CD47: variants seen among roughly 807,000 people sequenced by gnomAD.
CD47 encodes the protein leukocyte surface antigen CD47.
Under a neutral mutation model 44.6 loss-of-function variants are expected in CD47, and 11 were observed. The ratio of observed to expected loss-of-function variants is 0.25; its 90% CI spans 0.16 to 0.41. The LOEUF (loss-of-function observed/expected upper bound fraction) is 0.41, where lower values mean the gene tolerates loss of function less well. Among genes scored for constraint, CD47 ranks in the 10% least tolerant of loss-of-function variants. The pLI is 1.00. For missense variants in CD47, 306 were observed against 386.7 expected, an observed-to-expected ratio of 0.79 and a Z score of 1.75; for synonymous variants, 140 against 136.3, an observed-to-expected ratio of 1.03 and a Z score of -0.19.
At chr3:108,054,722 T>C (rs966412209) in intron 7 of CD47, 5 of 152,196 alleles carry the variant, frequency 3.3e-5, no homozygotes, top group Admixed American at 1.3e-4. Flanking sequence ...TCTCCTTAAA[T>C]TGAACAAGAA....
chr3:108,049,148 C>T (rs1206596272), intron 10 of CD47, among the ~76,000 whole-genome samples: 1 of 139,084 alleles, frequency 7.2e-6, no homozygotes, highest in Non-Finnish European at 1.5e-5. Flanking sequence ...CTCTCTCAAC[C>T]TCTCTCTTTA....
chr3:108,087,418 A>C (rs2079543044), intron 1 of CD47, among the ~76,000 whole-genome samples: 1 of 152,162 alleles, frequency 6.6e-6, no homozygotes. Context: ...GGGCAGTTTA[A>C]AGTCAATAAC....
chr3:108,089,749 T>A (rs893173236), intron 1 of CD47, among the ~76,000 whole-genome samples: 14 of 152,198 alleles, frequency 9.2e-5, no homozygotes, highest in South Asian at 4.2e-4. Flanking sequence ...GTCACAAGCC[T>A]TTAGGAACGG....
intron 4 of CD47, among the ~76,000 whole-genome samples, chr3:108,060,268 T>C (rs534735030): frequency 5.9e-4 from 90 of 152,334 alleles, no homozygotes; most frequent in Non-Finnish European, 1.2e-3. Flanking sequence ...CTGCATTATA[T>C]GGCAAAAGAT....
intron 6 of CD47, among the ~76,000 whole-genome samples, chr3:108,057,847 C>T (rs1002864355): frequency 1.3e-5 from 2 of 152,106 alleles, no homozygotes; most frequent in African/African-American, 4.8e-5. Context: ...AAAGCTCTTC[C>T]ACAAATACAG....
At chr3:108,053,958 G>T (rs945041846) in intron 7 of CD47, 1 of 152,186 alleles carries the variant, frequency 6.6e-6, no homozygotes, top group African/African-American at 2.4e-5. Context: ...TGACTTCAAT[G>T]AAACCATGCC....
chr3:108,063,120 T>A (rs1408536629), intron 3 of CD47, among the ~76,000 whole-genome samples: 13 of 152,192 alleles, frequency 8.5e-5, no homozygotes, highest in Non-Finnish European at 2.9e-5. Flanking sequence ...ATGGTCCGTC[T>A]CTCTTTGAGT....
chr3:108,087,500 T>C (rs2079544583), intron 1 of CD47, among the ~76,000 whole-genome samples: 2 of 152,198 alleles, frequency 1.3e-5, no homozygotes, highest in Admixed American at 6.5e-5. Flanking sequence ...CTACTGTCTA[T>C]ATACTACATC....
chr3:108,081,769 C>T (rs944912368), intron 1 of CD47, among the ~76,000 whole-genome samples: 3 of 151,864 alleles, frequency 2.0e-5, no homozygotes, highest in Non-Finnish European at 2.9e-5. Flanking sequence ...GCTCTCTAAA[C>T]AATACTATGC....
At chr3:108,058,224 A>T in intron 6 of CD47, 113 bp downstream of exon 6, 1 of 277,270 alleles carries the variant, frequency 3.6e-6, no homozygotes, top group African/African-American at 2.5e-5. Context: ...AAACTGCACT[A>T]AAAAAAAAAA....
chr3:108,055,435 G>T, intron 7 of CD47: 1 of 759,972 alleles, frequency 1.3e-6, no homozygotes, highest in Non-Finnish European at 2.0e-6. Context: ...CATAGATTCA[G>T]ATTTACACAG....
intron 8 of CD47, among the ~76,000 whole-genome samples, chr3:108,051,307 TAA>T (rs1196531589): frequency 3.3e-5 from 5 of 152,222 alleles, no homozygotes; most frequent in African/African-American, 4.8e-5. Flanking sequence ...GTCACTGTGA[TAA>T]GTCTATGTTT....
intron 3 of CD47, among the ~76,000 whole-genome samples, chr3:108,064,354 A>C (rs1169930671): frequency 6.6e-6 from 1 of 152,208 alleles, no homozygotes; most frequent in Non-Finnish European, 1.5e-5. Context: ...ACTCTACTCT[A>C]AGAAAATTCC....
chr3:108,047,795 A>C (rs1361367024), intron 10 of CD47, among the ~76,000 whole-genome samples: 1 of 152,256 alleles, frequency 6.6e-6, no homozygotes, highest in Non-Finnish European at 1.5e-5. Flanking sequence ...AGACATTTTA[A>C]AAACAAATTC....
chr3:108,051,784 A>G, intron 8 of CD47, 155 bp downstream of exon 8: 1 of 709,866 alleles, frequency 1.4e-6, no homozygotes, highest in East Asian at 2.7e-5. Context: ...TTTAAAATAG[A>G]ACTGGACCCA....
In CD47 at chr3:108,068,829, G is replaced by A. The variant is rs945229756; in HGVS notation, c.490+2264C>T. 3.3e-5 allele frequency among the ~76,000 whole-genome samples: 5 copies of A among 152,148 alleles called. 1 individual carries two copies. Among genetic ancestry groups the A allele is most frequent in the South Asian group, 4.1e-4 (2 of 4,828 alleles). ...ATCATCAACACCTTTAAATGTGAGC[G>A]CAGGCTGGGTGAATCATGTATAGAC... On this transcript the variant is annotated intron_variant, in intron 3 of 10. Transcript: ENST00000361309.
At chr3:108,071,208 C>A in intron 2 of CD47, 26 bp from the exon 3 acceptor site, 1 of 1,045,926 alleles carries the variant, frequency 9.6e-7, no homozygotes, top group Non-Finnish European at 1.4e-6. Context: ...ACAAAAGTCA[C>A]AATTAATATT....
At chr3:108,070,159 G>A (rs912055507) in intron 3 of CD47, among the ~76,000 whole-genome samples, 7 of 152,116 alleles carry the variant, frequency 4.6e-5, no homozygotes, top group African/African-American at 1.7e-4. Flanking sequence ...TTAAACTGCT[G>A]AGTAAAAGTA....
At chr3:108,061,351 A>T (rs1452687123) in intron 3 of CD47, among the ~76,000 whole-genome samples, 1 of 151,992 alleles carries the variant, frequency 6.6e-6, no homozygotes, top group Non-Finnish European at 1.5e-5. Flanking sequence ...ATGGGAAATA[A>T]TGGGTTAATT....
Sources: allele counts gnomAD v4.1 joint callset (sites outside exome capture counted in the v4.1 genomes callset), GRCh38; gene constraint gnomAD v4.1.1; transcripts MANE v1.5; gene names NCBI Gene and HGNC (gene_info 2026-07-23, HGNC 2026-07-21).